FEZ1: variants seen among roughly 807,000 people sequenced by gnomAD.
FEZ1 encodes fasciculation and elongation protein zeta-1.
In FEZ1, 20 loss-of-function variants were observed where a neutral mutation model predicts 49.3. The observed-to-expected ratio is 0.41, with a 90% CI of 0.29 to 0.59. FEZ1 has a LOEUF of 0.59. Among genes scored for constraint, FEZ1 ranks in the 20% least tolerant of loss-of-function variants. The pLI, the probability that FEZ1 is intolerant of heterozygous loss-of-function variation, is 0.36. For missense variants in FEZ1, 413 were observed against 476.0 expected, an observed-to-expected ratio of 0.87 and a Z score of 1.23; for synonymous variants, 170 against 180.9, an observed-to-expected ratio of 0.94 and a Z score of 0.48.
intron 3 of FEZ1, among the ~76,000 whole-genome samples, chr11:125,469,915 G>A (rs1242152669): frequency 4.0e-5 from 6 of 151,660 alleles, no homozygotes; most frequent in African/African-American, 1.5e-4. Flanking sequence ...TGGTAGAGTT[G>A]TAGAGATGGG....
At chr11:125,459,595 AAAAT>A (rs1300282424) in intron 5 of FEZ1, among the ~76,000 whole-genome samples, 1 of 152,144 alleles carries the variant, frequency 6.6e-6, no homozygotes. Context: ...CTATCTCTAA[AAAAT>A]AAATAAATAA....
At chr11:125,478,533 T>G (rs1957252819) in intron 3 of FEZ1, among the ~76,000 whole-genome samples, 1 of 152,338 alleles carries the variant, frequency 6.6e-6, no homozygotes, top group Non-Finnish European at 1.5e-5. Flanking sequence ...ACATTCAGCA[T>G]GCCAAGCGCT....
chr11:125,469,616 T>C (rs1220975211), intron 3 of FEZ1, among the ~76,000 whole-genome samples: 2 of 151,840 alleles, frequency 1.3e-5, no homozygotes, highest in African/African-American at 4.8e-5. Context: ...CAGGCTGGTG[T>C]GAAATGGTGT....
At chr11:125,490,540 C>A (rs796880693) in intron 1 of FEZ1, among the ~76,000 whole-genome samples, 75 of 152,170 alleles carry the variant, frequency 4.9e-4, no homozygotes, top group African/African-American at 1.6e-3. Context: ...GATATTACTA[C>A]CCTTATCAAT....
At chr11:125,469,267 C>A (rs943871207) in intron 3 of FEZ1, 1 of 152,316 alleles carries the variant, frequency 6.6e-6, no homozygotes, top group Admixed American at 6.5e-5. Context: ...TAGGGCCTCA[C>A]TTTCTTTTTT....
intron 8 of FEZ1, among the ~76,000 whole-genome samples, chr11:125,450,469 G>A (rs1343428471): frequency 6.6e-6 from 1 of 152,196 alleles, no homozygotes; most frequent in Non-Finnish European, 1.5e-5. Flanking sequence ...TTGCCAATAC[G>A]TATCTAAATT....
At position 125,454,963 on chromosome 11, in the gene FEZ1, G is replaced by A. The variant is rs558293726; in HGVS notation, c.940-753C>T. ...CGGGAAGCAGAGATTGCAGTGAACC[G>A]AGATCGCACCACTGCACTCCAGCCT... is the stretch of plus-strand genomic sequence containing the variant. On this transcript the variant is annotated intron_variant, in intron 6 of 9. Transcript: ENST00000278919. Among the ~76,000 whole-genome samples the A allele has an allele frequency of 1.9e-4, 29 of 149,258 alleles. No homozygotes were observed. The South Asian group carries it at 5.8e-3, about 30-fold the overall frequency.
chr11:125,492,275 G>A (rs1957389416), intron 1 of FEZ1, among the ~76,000 whole-genome samples: 1 of 152,208 alleles, frequency 6.6e-6, no homozygotes, highest in South Asian at 2.1e-4. Context: ...GCAAACACAA[G>A]TAATTGCCAG....
At chr11:125,487,041 G>A (rs1432166349) in intron 2 of FEZ1, among the ~76,000 whole-genome samples, 2 of 152,148 alleles carry the variant, frequency 1.3e-5, no homozygotes, top group Non-Finnish European at 2.9e-5. Flanking sequence ...TCTTAACTGA[G>A]GCAGTCAATG....
intron 4 of FEZ1, among the ~76,000 whole-genome samples, chr11:125,462,872 T>C (rs920142106): frequency 1.3e-5 from 2 of 151,856 alleles, no homozygotes; most frequent in Non-Finnish European, 2.9e-5. Flanking sequence ...TAGTGATGCA[T>C]GCCTGTAGTC....
chr11:125,455,846 T>A lies in FEZ1; in HGVS notation c.928A>T (p.Met310Leu). 6.2e-7 allele frequency: 1 copy of A among 1,614,014 alleles called. No homozygotes were observed. The highest frequency in any genetic ancestry group is 8.5e-7 in the Non-Finnish European group (1 of 1,179,996). Residue 310 changes from methionine to leucine, a missense_variant, in exon 6 of 10, where the codon ATG (methionine) becomes TTG (leucine). By Grantham distance (15) the Met-to-Leu change is conservative. Coordinates refer to ENST00000278919, the MANE Select transcript of FEZ1 (RefSeq NM_005103.5). ...GGTTGTTCACCTACCTTGAGAGGCA[T>A]CTGGTTTCCCTTCTCTATCCGGCTG... ...QSSRIEKGNQ[M>L]PLKRFSMEGI...
rs116144721 is a variant in FEZ1 at position 125,487,163 on chromosome 11, T to C, written c.311+2304A>G. Among the ~76,000 whole-genome samples the C allele has an allele frequency of 7.5e-3, 1,142 of 152,280 alleles. 14 individuals carry two copies. Among genetic ancestry groups the C allele is most frequent in the African/African-American group, 0.025 (1,059 of 41,546 alleles). On this transcript the variant is annotated intron_variant, in intron 2 of 9. Transcript: ENST00000278919. Reference sequence around the variant, plus strand: ...TAGAAGACAGTAAGAATCTGCTCATTGGGCCTTCATCCTTAATGAGGCAGA... The same window carrying C: ...TAGAAGACAGTAAGAATCTGCTCATCGGGCCTTCATCCTTAATGAGGCAGA...
chr11:125,452,494 A>G, intron 7 of FEZ1, 85 bp from the exon 8 acceptor site: 1 of 823,872 alleles, frequency 1.2e-6, no homozygotes, highest in Admixed American at 2.0e-5. Context: ...TAAGACACAC[A>G]CTGCAAATCT....
chr11:125,449,590 T>A (rs972770048), intron 8 of FEZ1, among the ~76,000 whole-genome samples: 1 of 152,082 alleles, frequency 6.6e-6, no homozygotes, highest in African/African-American at 2.4e-5. Context: ...TACATGAAAC[T>A]GTTAAGTAGT....
chr11:125,452,311 G>C (rs534353743), intron 8 of FEZ1, 23 bp downstream of exon 8: 1 of 1,533,358 alleles, frequency 6.5e-7, no homozygotes, highest in African/African-American at 1.4e-5. Context: ...CCACTGATCT[G>C]GCTGAGAACA....
chr11:125,447,541 G>T (rs1158592981), intron 9 of FEZ1, among the ~76,000 whole-genome samples: 6 of 152,188 alleles, frequency 3.9e-5, no homozygotes, highest in Non-Finnish European at 8.8e-5. Context: ...GAAACTCTTG[G>T]CTGGGCACAG....
At position 125,456,209 on chromosome 11, in the gene FEZ1, A is replaced by G. The variant is rs961259780; in HGVS notation, c.668-103T>C. 8 of 1,123,514 alleles carry G rather than the reference A, an allele frequency of 7.1e-6. No individual in the cohort carries two copies. In the African/African-American group the frequency reaches 1.2e-4, roughly 17 times the overall value. The allele number at this position is 1,123,514 out of a possible 1,614,324, so 69.6% of individuals were successfully genotyped here. ...CAATCAAGATGGGACTGCCCCTCAG[A>G]GGAGATCCCTTCCAACTCCTTAAAG... On this transcript the variant is annotated intron_variant, in intron 5 of 9. Coordinates refer to ENST00000278919, the MANE Select transcript of FEZ1 (RefSeq NM_005103.5).
In FEZ1 at chr11:125,472,314, C is replaced by A. The variant is rs555573220; in HGVS notation, c.412-8744G>T. 2.6e-5 allele frequency among the ~76,000 whole-genome samples: 4 copies of A among 151,912 alleles called. No homozygotes were observed. The South Asian group carries it at 8.3e-4, about 32-fold the overall frequency. ...GAAATCAAAGAAATAAAAAGTGGTT[C>A]TCTGAAAAGATTAATAAAGGTGATA... is the stretch of plus-strand genomic sequence containing the variant. On this transcript the variant is annotated intron_variant, in intron 3 of 9. Coordinates refer to ENST00000278919, the MANE Select transcript of FEZ1 (RefSeq NM_005103.5).
intron 5 of FEZ1, among the ~76,000 whole-genome samples, chr11:125,458,393 G>A (rs535141853): frequency 1.3e-5 from 2 of 152,282 alleles, no homozygotes; most frequent in East Asian, 3.9e-4. Context: ...TCATCCAGCC[G>A]TTTCTTGTGC....
Sources: allele counts gnomAD v4.1 joint callset (sites outside exome capture counted in the v4.1 genomes callset), GRCh38; gene constraint gnomAD v4.1.1; transcripts MANE v1.5; gene names NCBI Gene and HGNC (gene_info 2026-07-23, HGNC 2026-07-21).